Variants in MECOM observed in about 807,000 individuals in gnomAD.
The protein encoded by MECOM is MDS1 and EVI1 complex locus, also known as histone-lysine N-methyltransferase MECOM.
MECOM carries 13 observed loss-of-function variants against 116.3 expected under a neutral mutation model. The observed-to-expected ratio is 0.11, with a 90% CI of 0.07 to 0.18. The LOEUF is 0.18. Among genes scored for constraint, MECOM ranks in the 10% least tolerant of loss-of-function variants. MECOM has a pLI of 1.00. For missense variants in MECOM, 1,299 were observed against 1,509.0 expected, an observed-to-expected ratio of 0.86 and a Z score of 2.31; for synonymous variants, 528 against 535.2, an observed-to-expected ratio of 0.99 and a Z score of 0.19.
At chr3:169,343,794 C>G (rs529497667) in intron 2 of MECOM, among the ~76,000 whole-genome samples, 2 of 152,078 alleles carry the variant, frequency 1.3e-5, no homozygotes, top group African/African-American at 2.4e-5. Context: ...AAGGGACCAA[C>G]CTGACATGTT....
At chr3:169,581,318 T>C (rs929946891) in intron 1 of MECOM, among the ~76,000 whole-genome samples, 1 of 152,156 alleles carries the variant, frequency 6.6e-6, no homozygotes, top group African/African-American at 2.4e-5. Flanking sequence ...CTTTACCTAC[T>C]GCTTCCATAA....
chr3:169,560,069 CA>C (rs1762471207), intron 1 of MECOM, among the ~76,000 whole-genome samples: 1 of 152,194 alleles, frequency 6.6e-6, no homozygotes, highest in African/African-American at 2.4e-5. Context: ...ATAAGACAGT[CA>C]CCCAATGCTC....
chr3:169,147,035 A>T, intron 2 of MECOM: 1 of 991,254 alleles, frequency 1.0e-6, no homozygotes, highest in Non-Finnish European at 1.2e-6. Flanking sequence ...CGTCTGGGTG[A>T]CCCGGGTTTG....
At chr3:169,621,527 C>T (rs896099663) in intron 1 of MECOM, among the ~76,000 whole-genome samples, 16 of 152,232 alleles carry the variant, frequency 1.1e-4, no homozygotes, top group African/African-American at 3.9e-4. Flanking sequence ...GAGGCCAAGG[C>T]GGGCAGATTA....
At chr3:169,633,980 T>A (rs1393200443) in intron 1 of MECOM, among the ~76,000 whole-genome samples, 2 of 150,750 alleles carry the variant, frequency 1.3e-5, no homozygotes, top group Non-Finnish European at 2.9e-5. Context: ...ATGGCTTGTG[T>A]CCACACCACA....
rs10629993 is a variant in MECOM, at chr3:169,479,270, A to AGTGTGTGTGT, written c.38-97756_38-97747dup. 2.0e-3 allele frequency among the ~76,000 whole-genome samples: 291 copies of AGTGTGTGTGT among 148,710 alleles called. 2 individuals are homozygous for AGTGTGTGTGT. The highest frequency in any genetic ancestry group is 6.8e-3 in the African/African-American group (276 of 40,350). On this transcript the variant is annotated intron_variant, in intron 1 of 16. Transcript: ENST00000651503. Reference sequence around the variant, plus strand: ...AGGAATTCACATAGATAGGGATGTGAGTGTGTGTGTGTGTGTGTGTGTGCA... The same window carrying AGTGTGTGTGT: ...AGGAATTCACATAGATAGGGATGTGAGTGTGTGTGTGTGTGTGTGTGTGTGTGTGTGTGCA...
At chr3:169,602,627 G>T (rs1323917167) in intron 1 of MECOM, among the ~76,000 whole-genome samples, 4 of 152,196 alleles carry the variant, frequency 2.6e-5, no homozygotes, top group African/African-American at 9.7e-5. Context: ...TCCAGACATT[G>T]CCAACTTTAC....
intron 2 of MECOM, among the ~76,000 whole-genome samples, chr3:169,344,425 C>T (rs1010226701): frequency 6.6e-6 from 1 of 152,012 alleles, no homozygotes; most frequent in Non-Finnish European, 1.5e-5. Flanking sequence ...ATAAAGTGCT[C>T]AAGCGGGACA....
chr3:169,465,230 T>A (rs1748091705), intron 1 of MECOM, among the ~76,000 whole-genome samples: 1 of 152,222 alleles, frequency 6.6e-6, no homozygotes, highest in South Asian at 2.1e-4. Flanking sequence ...TGGGTTTTAA[T>A]CTCAGCTTTG....
intron 1 of MECOM, among the ~76,000 whole-genome samples, chr3:169,404,612 G>A (rs972989940): frequency 6.6e-6 from 1 of 152,166 alleles, no homozygotes. Context: ...AGGCTGATCC[G>A]ATGGGCCAGT....
At chr3:169,469,988 T>C (rs1174988218) in intron 1 of MECOM, among the ~76,000 whole-genome samples, 1 of 152,190 alleles carries the variant, frequency 6.6e-6, no homozygotes, top group South Asian at 2.1e-4. Flanking sequence ...GAAACTGATA[T>C]GATATTAAAG....
chr3:169,506,980 A>G (rs1755313146), intron 1 of MECOM, among the ~76,000 whole-genome samples: 1 of 152,174 alleles, frequency 6.6e-6, no homozygotes, highest in African/African-American at 2.4e-5. Flanking sequence ...CTCAGGCTAT[A>G]TTTCAGTCTC....
intron 2 of MECOM, among the ~76,000 whole-genome samples, chr3:169,229,761 C>G (rs571710564): frequency 3.9e-5 from 6 of 152,224 alleles, no homozygotes; most frequent in African/African-American, 1.4e-4. Flanking sequence ...CCTCTACAAC[C>G]AGGTGCTATT....
intron 2 of MECOM, among the ~76,000 whole-genome samples, chr3:169,223,654 G>T (rs991742994): frequency 6.6e-6 from 1 of 152,100 alleles, no homozygotes; most frequent in Admixed American, 6.6e-5. Flanking sequence ...GGTATAGTTT[G>T]TCCTAGTTCT....
At chr3:169,616,455 C>T (rs1770020205) in intron 1 of MECOM, among the ~76,000 whole-genome samples, 1 of 152,112 alleles carries the variant, frequency 6.6e-6, no homozygotes, top group Non-Finnish European at 1.5e-5. Flanking sequence ...AAGCGACTGT[C>T]CTGCCTCAGC....
intron 16 of MECOM, among the ~76,000 whole-genome samples, chr3:169,085,817 T>G (rs1239017956): frequency 6.6e-6 from 1 of 152,248 alleles, no homozygotes; most frequent in Non-Finnish European, 1.5e-5. Context: ...TAAATAACTG[T>G]TCAGAGAGTC....
intron 1 of MECOM, among the ~76,000 whole-genome samples, chr3:169,593,455 C>T (rs1365062902): frequency 6.6e-6 from 1 of 152,140 alleles, no homozygotes; most frequent in African/African-American, 2.4e-5. Context: ...GGCAAATATA[C>T]CCTATACAGT....
chr3:169,418,681 C>T (rs576865150), intron 1 of MECOM, among the ~76,000 whole-genome samples: 12 of 152,018 alleles, frequency 7.9e-5, no homozygotes, highest in Middle Eastern at 3.4e-3. Flanking sequence ...AAAAGGCCTT[C>T]GATAAAATTC....
At chr3:169,430,346 T>A (rs16853713) in intron 1 of MECOM, among the ~76,000 whole-genome samples, 1 of 152,164 alleles carries the variant, frequency 6.6e-6, no homozygotes, top group Admixed American at 6.5e-5. Flanking sequence ...CAACTCTAGA[T>A]GATTTGAATT....
Sources: gnomAD v4.1 joint callset for allele counts (sites outside exome capture counted in the v4.1 genomes callset) on GRCh38, gnomAD v4.1.1 for gene constraint, MANE v1.5 for transcripts, NCBI Gene and HGNC (gene_info 2026-07-23, HGNC 2026-07-21) for gene names.